GREB1L: variants seen among roughly 807,000 people sequenced by gnomAD.
GREB1L encodes GREB1-like protein.
In GREB1L, 17 loss-of-function variants were observed where a neutral mutation model predicts 200.8. The ratio of observed to expected loss-of-function variants is 0.08; its 90% CI spans 0.06 to 0.13. The LOEUF is 0.13. Among genes scored for constraint, GREB1L ranks in the 10% least tolerant of loss-of-function variants. GREB1L has a pLI of 1.00. For synonymous variants in GREB1L, 789 were observed against 893.0 expected (o/e 0.88, Z 2.08); for missense variants, 1,657 against 2,367.7 (o/e 0.70, Z 6.23).
At chr18:21,268,511 G>GTA (rs1324427104) in intron 1 of GREB1L, among the ~76,000 whole-genome samples, 3,091 of 66,992 alleles carry the variant, frequency 0.046, 166 homozygotes, top group African/African-American at 0.12. Flanking sequence ...ATATATATAT[G>GTA]TATATATATA....
At chr18:21,365,311 A>G (rs965988654) in intron 1 of GREB1L, among the ~76,000 whole-genome samples, 6 of 152,186 alleles carry the variant, frequency 3.9e-5, no homozygotes, top group African/African-American at 1.4e-4. Context: ...GTTATCTATA[A>G]AAATCAATGA....
chr18:21,471,765 C>T (rs575154757), intron 15 of GREB1L, among the ~76,000 whole-genome samples: 20 of 152,088 alleles, frequency 1.3e-4, no homozygotes, highest in African/African-American at 4.6e-4. Context: ...GGACTACAGG[C>T]GTGCGCCACC....
chr18:21,398,009 A>C (rs1464443962), intron 5 of GREB1L, among the ~76,000 whole-genome samples: 2 of 152,236 alleles, frequency 1.3e-5, no homozygotes, highest in Admixed American at 6.5e-5. Flanking sequence ...ATCTAATGAT[A>C]AACAGTTCAG....
At chr18:21,473,511 G>A (rs1401366923) in intron 16 of GREB1L, among the ~76,000 whole-genome samples, 11 of 148,520 alleles carry the variant, frequency 7.4e-5, no homozygotes, top group Admixed American at 6.8e-4. Flanking sequence ...GGAGGTTCCA[G>A]TGAGCCAAGA....
At chr18:21,281,544 G>T (rs2038269554) in intron 1 of GREB1L, among the ~76,000 whole-genome samples, 1 of 152,128 alleles carries the variant, frequency 6.6e-6, no homozygotes, top group African/African-American at 2.4e-5. Context: ...AACTCTATAG[G>T]TAATAGAAGC....
intron 1 of GREB1L, among the ~76,000 whole-genome samples, chr18:21,350,526 G>A (rs1361846849): frequency 6.6e-6 from 1 of 151,956 alleles, no homozygotes; most frequent in Non-Finnish European, 1.5e-5. Context: ...GATGTGAGCC[G>A]CTGCGCCCAG....
At chr18:21,420,836 T>C (rs1434597673) in intron 7 of GREB1L, among the ~76,000 whole-genome samples, 1 of 152,178 alleles carries the variant, frequency 6.6e-6, no homozygotes, top group African/African-American at 2.4e-5. Flanking sequence ...TTGTATACAA[T>C]TGTTGATAGC....
Position 21,494,235 on chromosome 18 carries a change from T to C in GREB1L, c.3031-1435T>C, listed in dbSNP as rs183823525. Among the ~76,000 whole-genome samples the C allele has an allele frequency of 1.1e-3, 168 of 152,262 alleles. 2 individuals carry two copies. Among genetic ancestry groups the C allele is most frequent in the African/African-American group, 3.8e-3 (159 of 41,542 alleles). ...GGAAGTCTGTGAAACTTGTGAACAG[T>C]TACGTAGATTCCCTATTTCCCCTTA... is the stretch of plus-strand genomic sequence containing the variant. On this transcript the variant is annotated intron_variant, in intron 19 of 32. Transcript: ENST00000424526.
chr18:21,522,773 C>T lies in GREB1L; in HGVS notation c.5724C>T (p.Asn1908=), dbSNP rs951495587. 1.9e-6 allele frequency: 3 copies of T among 1,551,484 alleles called. No homozygotes were observed. In the African/African-American group the frequency reaches 4.1e-5, roughly 21 times the overall value. Residue 1908 remains asparagine (N), a synonymous_variant, in exon 33 of 33, where the codon AAC becomes AAT. Coordinates refer to ENST00000424526, the MANE Select transcript of GREB1L (RefSeq NM_001142966.3). Reference sequence around the variant, plus strand: ...TCCGGGACGAGTTTCAAACTGCTAACAGCAGTGATGACAAGCCTCTCTACT... The same window carrying T: ...TCCGGGACGAGTTTCAAACTGCTAATAGCAGTGATGACAAGCCTCTCTACT... ...FRLRDEFQTA[N]SSDDKPLYFL...
At chr18:21,459,005 T>C (rs1299263824) in intron 15 of GREB1L, among the ~76,000 whole-genome samples, 3 of 151,934 alleles carry the variant, frequency 2.0e-5, no homozygotes, top group Non-Finnish European at 2.9e-5. Flanking sequence ...CCTCCCTGCT[T>C]GTAAAATGGT....
At chr18:21,404,298 C>T (rs2029913522) in intron 7 of GREB1L, among the ~76,000 whole-genome samples, 1 of 152,134 alleles carries the variant, frequency 6.6e-6, no homozygotes, top group Non-Finnish European at 1.5e-5. Flanking sequence ...GCATCATAGC[C>T]ATCCAGTGGC....
chr18:21,360,321 C>A (rs1016715379), intron 1 of GREB1L, among the ~76,000 whole-genome samples: 3 of 152,080 alleles, frequency 2.0e-5, no homozygotes, highest in Non-Finnish European at 4.4e-5. Context: ...CGGGTTCAAG[C>A]AATTCTCCTG....
chr18:21,317,115 C>G (rs946955282), intron 1 of GREB1L, among the ~76,000 whole-genome samples: 5 of 151,812 alleles, frequency 3.3e-5, no homozygotes. Flanking sequence ...AAGCGGGTGC[C>G]GTGTTACGTG....
chr18:21,353,352 A>G (rs1313336821), intron 1 of GREB1L, among the ~76,000 whole-genome samples: 2 of 152,146 alleles, frequency 1.3e-5, no homozygotes, highest in African/African-American at 2.4e-5. Flanking sequence ...CATGGCAGGT[A>G]CTCAATAGTA....
intron 7 of GREB1L, among the ~76,000 whole-genome samples, chr18:21,438,743 G>A (rs2033701395): frequency 6.6e-6 from 1 of 151,596 alleles, no homozygotes; most frequent in African/African-American, 2.4e-5. Flanking sequence ...CGGATCATGA[G>A]GTCAGGAGAT....
chr18:21,279,710 A>C (rs113667057), intron 1 of GREB1L, among the ~76,000 whole-genome samples: 7,612 of 151,988 alleles, frequency 0.05, 644 homozygotes, highest in African/African-American at 0.17. Context: ...TTTTCACAGG[A>C]TCGATCATCA....
At chr18:21,425,926 T>C (rs1325070917) in intron 7 of GREB1L, among the ~76,000 whole-genome samples, 3 of 152,186 alleles carry the variant, frequency 2.0e-5, no homozygotes, top group Non-Finnish European at 4.4e-5. Context: ...TTGTTTGTGT[T>C]TTCGGTGTTA....
chr18:21,323,278 C>A (rs1010658037), intron 1 of GREB1L, among the ~76,000 whole-genome samples: 2 of 151,822 alleles, frequency 1.3e-5, no homozygotes, highest in Non-Finnish European at 1.5e-5. Context: ...CAGAGTGAGA[C>A]CCTGTCTCAA....
chr18:21,346,200 C>T (rs2039342928), intron 1 of GREB1L, among the ~76,000 whole-genome samples: 1 of 152,108 alleles, frequency 6.6e-6, no homozygotes, highest in Non-Finnish European at 1.5e-5. Flanking sequence ...TGATTTCATT[C>T]CTAAATATTT....
Sources: gnomAD v4.1 joint callset for allele counts (sites outside exome capture counted in the v4.1 genomes callset) on GRCh38, gnomAD v4.1.1 for gene constraint, MANE v1.5 for transcripts, NCBI Gene and HGNC (gene_info 2026-07-23, HGNC 2026-07-21) for gene names.